Variants in ADAM19 observed in about 807,000 individuals in gnomAD.
ADAM19 encodes ADAM metallopeptidase domain 19, also known as disintegrin and metalloproteinase domain-containing protein 19.
A neutral mutation model predicts 114.7 loss-of-function variants in ADAM19; 65 were observed. The observed-to-expected ratio is 0.57, with a 90% CI of 0.46 to 0.70. The LOEUF is 0.70. Ranked by LOEUF, ADAM19 falls within the 30% of genes least tolerant of loss-of-function variation. ADAM19 has a pLI of 0.00. For missense variants in ADAM19, 1,063 were observed against 1,204.7 expected (o/e 0.88, Z 1.74); for synonymous variants, 466 against 460.5 (o/e 1.01, Z -0.15).
intron 4 of ADAM19, among the ~76,000 whole-genome samples, chr5:157,532,008 T>C (rs1318316559): frequency 6.6e-6 from 1 of 152,214 alleles, no homozygotes; most frequent in Non-Finnish European, 1.5e-5. Flanking sequence ...AAGTTTATGG[T>C]GCTTTGTTAC....
rs115910395 is a variant in ADAM19, at chr5:157,506,484, T to A, written c.990+572A>T. ...CAGCTGTTCTTTGAACCCAACAGGC[T>A]CAGACCCTAGAGCCTGTGGTTTTGG... On this transcript the variant is annotated intron_variant, in intron 10 of 22. Transcript: ENST00000257527. 5.4e-3 allele frequency among the ~76,000 whole-genome samples: 828 copies of A among 152,320 alleles called. 9 individuals are homozygous for A. Among genetic ancestry groups the A allele is most frequent in the African/African-American group, 0.019 (801 of 41,564 alleles).
At chr5:157,527,057 A>G (rs1211734430) in intron 5 of ADAM19, among the ~76,000 whole-genome samples, 2 of 152,184 alleles carry the variant, frequency 1.3e-5, no homozygotes, top group African/African-American at 4.8e-5. Flanking sequence ...GAGACTGGGT[A>G]ATTTATAAAG....
intron 8 of ADAM19, among the ~76,000 whole-genome samples, chr5:157,512,549 G>A (rs1033862755): frequency 1.3e-5 from 2 of 152,092 alleles, no homozygotes; most frequent in East Asian, 1.9e-4. Context: ...CCTACCAAGA[G>A]GCTACTGTCA....
intron 6 of ADAM19, among the ~76,000 whole-genome samples, chr5:157,519,312 T>C (rs192302062): frequency 2.0e-5 from 3 of 152,298 alleles, no homozygotes; most frequent in South Asian, 2.1e-4. Context: ...ATACTTTTTT[T>C]CCCCACTTTT....
At chr5:157,563,118 A>C (rs948998805) in intron 3 of ADAM19, among the ~76,000 whole-genome samples, 2 of 152,086 alleles carry the variant, frequency 1.3e-5, no homozygotes, top group African/African-American at 4.8e-5. Flanking sequence ...GCAAGGAAAA[A>C]TCCAGGGCCA....
rs371641327 is a variant in ADAM19, at chr5:157,483,269, T to C, written c.2551-1326A>G. Among the ~76,000 whole-genome samples, 17 of 152,316 alleles carry C rather than the reference T, an allele frequency of 1.1e-4. No individual in the cohort carries two copies. In the East Asian group the frequency reaches 3.3e-3, roughly 29 times the overall value. The stretch of plus-strand genomic sequence containing the variant: ...TAATTCTACTTCTTCTGACCTATGT[T>C]AGAGAACTATTTGCACACGTGCACA... On this transcript the variant is annotated intron_variant, in intron 21 of 22. Transcript: ENST00000257527.
chr5:157,501,775 G>A (rs1010054096), intron 12 of ADAM19, among the ~76,000 whole-genome samples: 2 of 147,626 alleles, frequency 1.4e-5, no homozygotes, highest in Non-Finnish European at 3.0e-5. Context: ...CAGGCAGGGT[G>A]CGGTGGCTCA....
chr5:157,536,977 C>A (rs1232968506), intron 4 of ADAM19, among the ~76,000 whole-genome samples: 4 of 152,236 alleles, frequency 2.6e-5, no homozygotes, highest in African/African-American at 9.6e-5. Flanking sequence ...CCAGCCCAGA[C>A]TTTGAGAATG....
Position 157,479,124 on chromosome 5 carries a change from AGCAAGGATGACCCACG to A in ADAM19, c.*1809_*1824del. 1.0e-6 allele frequency: 1 copy of A among 985,878 alleles called. No individual in the cohort carries two copies. The highest frequency in any genetic ancestry group is 1.1e-4 in the East Asian group (1 of 8,814). The allele number at this position is 985,878 out of a possible 1,614,324, so 61.1% of individuals were successfully genotyped here. ...GATCTCCACAGCAAGGATGACCCAC[AGCAAGGATGACCCACG>A]GCAAGGACATGGGGAACCTGTATCA... is the stretch of plus-strand genomic sequence containing the variant. On this transcript the variant is annotated 3_prime_UTR_variant, in exon 23 of 23. Coordinates refer to ENST00000257527, the MANE Select transcript of ADAM19 (RefSeq NM_033274.5).
At position 157,488,288 on chromosome 5, in the gene ADAM19, C is replaced by A. The variant is rs199716249; in HGVS notation, c.2527G>T (p.Ala843Ser). 1.9e-6 allele frequency: 3 copies of A among 1,613,656 alleles called. No homozygotes were observed. In the African/African-American group the frequency reaches 4.0e-5, roughly 22 times the overall value. Residue 843 changes from alanine (A) to serine (S), a missense_variant, in exon 21 of 23, where the codon GCA becomes TCA. Ala to Ser is a moderately conservative substitution (Grantham distance 99). Around this residue, in one of 3 missense-constraint regions of ADAM19, gnomAD observed 424 missense variants for 445.5 expected, o/e 0.95. Transcript: ENST00000257527. ...ACCTGGGAAACGATGCAATTTGGTGCGGGGGGAATTGGCCGGCTTGGAGGA... is the reference window on the plus strand; with the variant it reads ...ACCTGGGAAACGATGCAATTTGGTGAGGGGGGAATTGGCCGGCTTGGAGGA... ...RPPPSRPIPP[A>S]PNCIVSQDFS...
chr5:157,570,905 A>G lies in ADAM19; in HGVS notation c.170T>C (p.Val57Ala), dbSNP rs1301345289. 1 of 1,614,012 alleles carries G rather than the reference A, an allele frequency of 6.2e-7. No homozygotes were observed. Among genetic ancestry groups the G allele is most frequent in the Non-Finnish European group, 8.5e-7 (1 of 1,180,014 alleles). The change falls in exon 2 of 23, where the codon GTG becomes GCG. Residue 57 changes from valine (V) to alanine (A), a missense_variant. Physicochemically the swap from Val to Ala is moderately conservative, Grantham distance 64. Coordinates refer to ENST00000257527, the MANE Select transcript of ADAM19 (RefSeq NM_033274.5). ...TCTTTTGAGTCTTACCTTTTCTCTCACGGGGCTTTCTGAAGTCTTCCACTG... is the reference window on the plus strand; with the variant it reads ...TCTTTTGAGTCTTACCTTTTCTCTCGCGGGGCTTTCTGAAGTCTTCCACTG... ...IPQWKTSESP[V>A]REKHPLKAEL...
Position 157,511,943 on chromosome 5 carries a change from T to C in ADAM19, c.738+1491A>G, listed in dbSNP as rs533397322. Among the ~76,000 whole-genome samples, 6 of 152,252 alleles carry C rather than the reference T, an allele frequency of 3.9e-5. No individual in the cohort carries two copies. In the East Asian group the frequency reaches 1.2e-3, roughly 29 times the overall value. Reference sequence around the variant, plus strand: ...CTTCACTTGTCACCAGCGCCCTTGGTTCCATCACATACCCCACAGAGGGGA... The same window carrying C: ...CTTCACTTGTCACCAGCGCCCTTGGCTCCATCACATACCCCACAGAGGGGA... On this transcript the variant is annotated intron_variant, in intron 8 of 22. Coordinates refer to ENST00000257527, the MANE Select transcript of ADAM19 (RefSeq NM_033274.5).
chr5:157,560,121 CG>C lies in ADAM19; in HGVS notation c.251+4251del, dbSNP rs369437765. Reference sequence around the variant, plus strand: ...TCTACTAAAAATACAAAAAATTAGCCGGGCGTAGTGGCGGGCGCCTGTAGTC... The same window carrying C: ...TCTACTAAAAATACAAAAAATTAGCCGGCGTAGTGGCGGGCGCCTGTAGTC... On this transcript the variant is annotated intron_variant, in intron 3 of 22. Transcript: ENST00000257527. Among the ~76,000 whole-genome samples the C allele has an allele frequency of 5.8e-3, 873 of 151,150 alleles. 9 individuals carry two copies. The highest frequency in any genetic ancestry group is 0.02 in the African/African-American group (823 of 41,130).
At chr5:157,499,055 G>A (rs1755464006) in intron 13 of ADAM19, among the ~76,000 whole-genome samples, 1 of 152,068 alleles carries the variant, frequency 6.6e-6, no homozygotes, top group African/African-American at 2.4e-5. Flanking sequence ...CCAGAGTCAG[G>A]GAAAGCTGGA....
chr5:157,538,619 G>A (rs1044437483), intron 3 of ADAM19, among the ~76,000 whole-genome samples: 2 of 152,162 alleles, frequency 1.3e-5, no homozygotes, highest in African/African-American at 2.4e-5. Flanking sequence ...TAGTGGTTCC[G>A]ATTTCCTGAG....
At chr5:157,491,324 C>A (rs1441675582) in intron 18 of ADAM19, among the ~76,000 whole-genome samples, 1 of 152,104 alleles carries the variant, frequency 6.6e-6, no homozygotes, top group African/African-American at 2.4e-5. Context: ...CACCGTGTCC[C>A]CTAAAAAGAA....
chr5:157,498,834 A>G (rs1028855796), intron 13 of ADAM19, among the ~76,000 whole-genome samples: 6 of 152,244 alleles, frequency 3.9e-5, no homozygotes, highest in African/African-American at 1.4e-4. Flanking sequence ...TGCAATATAA[A>G]TATTCACTTT....
intron 10 of ADAM19, 39 bp from the exon 11 acceptor site, chr5:157,505,847 C>G (rs766829311): frequency 1.7e-5 from 28 of 1,601,248 alleles, no homozygotes; most frequent in Non-Finnish European, 2.4e-5. Context: ...GTCAAGGGGA[C>G]AGATCTGCCT....
chr5:157,530,851 C>T lies in ADAM19; in HGVS notation c.363G>A (p.Glu121=). The T allele has an allele frequency of 6.2e-7, 1 of 1,614,210 alleles. No homozygotes were observed. Among genetic ancestry groups the T allele is most frequent in the Non-Finnish European group, 8.5e-7 (1 of 1,180,042 alleles). The part of the protein sequence containing the change: ...DHCFYHGTVR[E]TELSSVTLST... ...TGAGCGTGACGCTGGACAGTTCTGT[C>T]TCCCTCACCGTGCCGTGGTAAAAGC... The change falls in exon 5 of 23, where the codon GAG becomes GAA. Residue 121 remains glutamate, a synonymous_variant. Transcript: ENST00000257527.
Sources: gnomAD v4.1 joint callset for allele counts (sites outside exome capture counted in the v4.1 genomes callset) on GRCh38, gnomAD v4.1.1 for gene constraint, gnomAD v4.1.1 regional missense constraint, MANE v1.5 for transcripts, NCBI Gene and HGNC (gene_info 2026-07-23, HGNC 2026-07-21) for gene names.